Variants in SLC38A11 observed in about 807,000 individuals in gnomAD.
The protein encoded by SLC38A11 is solute carrier family 38 member 11, also known as putative sodium-coupled neutral amino acid transporter 11.
In SLC38A11, 51 loss-of-function variants were observed where a neutral mutation model predicts 49.4. The observed-to-expected ratio is 1.03, with a 90% CI of 0.83 to 1.30. The LOEUF (loss-of-function observed/expected upper bound fraction) is 1.30. SLC38A11 is among the 50% of genes most tolerant of loss of function. The pLI is 0.00. For missense variants in SLC38A11, 574 were observed against 556.2 expected, an observed-to-expected ratio of 1.03 and a Z score of -0.32; for synonymous variants, 203 against 192.9, an observed-to-expected ratio of 1.05 and a Z score of -0.43.
intron 7 of SLC38A11, among the ~76,000 whole-genome samples, chr2:164,927,396 A>C (rs2105480767): frequency 6.6e-6 from 1 of 152,316 alleles, no homozygotes; most frequent in African/African-American, 2.4e-5. Context: ...CAGTTTTTCA[A>C]AAGAGATAAT....
intron 11 of SLC38A11, among the ~76,000 whole-genome samples, chr2:164,908,375 C>A (rs2105452105): frequency 6.6e-6 from 1 of 152,122 alleles, no homozygotes; most frequent in Non-Finnish European, 1.5e-5. Context: ...GATGTATATC[C>A]CTGGCCTCTA....
At chr2:164,948,710 G>A (rs1688303859) in intron 3 of SLC38A11, among the ~76,000 whole-genome samples, 1 of 152,104 alleles carries the variant, frequency 6.6e-6, no homozygotes, top group Admixed American at 6.6e-5. Flanking sequence ...TCTAGCTCAG[G>A]AAGTGGTAAT....
In SLC38A11 at chr2:164,898,688, C is replaced by A; in HGVS notation, c.1138G>T (p.Ala380Ser). ...ATPLIFIIPSACYLKLSEEPR... is the reference protein window; with the variant it reads ...ATPLIFIIPSSCYLKLSEEPR... ...TCTTCAGACAGTTTCAGATAACAGG[C>A]TGATGGAATGATAAAAATGAGGGGA... Residue 380 changes from alanine (A) to serine (S), a missense_variant, in exon 12 of 12, where the codon GCC becomes TCC. Ala to Ser is a moderately conservative substitution (Grantham distance 99, BLOSUM62 1). Coordinates refer to ENST00000685975, the MANE Select transcript of SLC38A11 (RefSeq NM_001351537.2). 1 of 1,613,326 alleles carries A rather than the reference C, an allele frequency of 6.2e-7. No homozygotes were observed. The highest frequency in any genetic ancestry group is 8.5e-7 in the Non-Finnish European group (1 of 1,179,598).
At chr2:164,940,520 A>G (rs1466313245) in intron 5 of SLC38A11, among the ~76,000 whole-genome samples, 2 of 150,994 alleles carry the variant, frequency 1.3e-5, no homozygotes, top group African/African-American at 4.8e-5. Flanking sequence ...TGCACAGTCT[A>G]AAGTCTATAA....
At chr2:164,929,749 A>G (rs931344098) in intron 7 of SLC38A11, among the ~76,000 whole-genome samples, 2 of 152,106 alleles carry the variant, frequency 1.3e-5, no homozygotes, top group African/African-American at 4.8e-5. Context: ...GCTTCTTTAC[A>G]TTTGCAACAT....
At position 164,896,353 on chromosome 2, in the gene SLC38A11, T is replaced by A. The variant is rs1441034235; in HGVS notation, c.*2084A>T. ...TCAGTTCCTACCAGGAGCTTTCATC[T>A]ACTTGAAGAGTATGAAGCAACACCA... is the stretch of plus-strand genomic sequence containing the variant. On this transcript the variant is annotated 3_prime_UTR_variant, in exon 12 of 12. Coordinates refer to ENST00000685975, the MANE Select transcript of SLC38A11 (RefSeq NM_001351537.2). 1 of 152,182 alleles carries A rather than the reference T, an allele frequency of 6.6e-6. No homozygotes were observed. The highest frequency in any genetic ancestry group is 1.5e-5 in the Non-Finnish European group (1 of 68,020). The allele number at this position is 152,182 out of a possible 1,614,324, so 9.4% of individuals were successfully genotyped here.
chr2:164,898,760 T>C, intron 11 of SLC38A11, 30 bp from the exon 12 acceptor site: 1 of 1,577,770 alleles, frequency 6.3e-7, no homozygotes, highest in Non-Finnish European at 8.6e-7. Flanking sequence ...AACAAGATAA[T>C]GTCACTAGAT....
chr2:164,922,581 C>G (rs774011108), intron 7 of SLC38A11, among the ~76,000 whole-genome samples: 1 of 152,152 alleles, frequency 6.6e-6, no homozygotes, highest in Admixed American at 6.5e-5. Context: ...CATTTAAAAA[C>G]GCACACCCAC....
chr2:164,919,917 G>A (rs762700818), intron 7 of SLC38A11, among the ~76,000 whole-genome samples: 1 of 152,136 alleles, frequency 6.6e-6, no homozygotes, highest in Non-Finnish European at 1.5e-5. Flanking sequence ...TAGGGTGTAT[G>A]TTCCAAGATA....
chr2:164,928,038 A>T (rs941626069), intron 7 of SLC38A11, among the ~76,000 whole-genome samples: 3 of 152,158 alleles, frequency 2.0e-5, no homozygotes, highest in African/African-American at 7.2e-5. Context: ...TAAGTACTTA[A>T]TATTGAGGAG....
intron 9 of SLC38A11, 109 bp from the exon 10 acceptor site, chr2:164,911,857 C>T: frequency 1.8e-6 from 1 of 553,600 alleles, no homozygotes; most frequent in Non-Finnish European, 3.2e-6. Context: ...TAATGGCCCA[C>T]ATATATGATT....
rs768829459 is a variant in SLC38A11 at position 164,898,632 on chromosome 2, A to G, written c.1194T>C (p.Ser398=). The G allele has an allele frequency of 2.0e-5, 32 of 1,613,502 alleles. No homozygotes were observed. The highest frequency in any genetic ancestry group is 1.6e-4 in the Middle Eastern group (1 of 6,082). ...CAGCACCAATGGGAAGCATGACACAAGACATAATCTTATCGGAGTGTGTCC... is the reference window on the plus strand; with the variant it reads ...CAGCACCAATGGGAAGCATGACACAGGACATAATCTTATCGGAGTGTGTCC... The part of the protein sequence containing the change: ...EPRTHSDKIM[S]CVMLPIGAVV... The change falls in exon 12 of 12, where the codon TCT becomes TCC. Residue 398 remains serine (S), a synonymous_variant. Coordinates refer to ENST00000685975, the MANE Select transcript of SLC38A11 (RefSeq NM_001351537.2).
chr2:164,922,443 T>C (rs1195168543), intron 7 of SLC38A11, among the ~76,000 whole-genome samples: 1 of 152,148 alleles, frequency 6.6e-6, no homozygotes, highest in Admixed American at 6.5e-5. Flanking sequence ...GAAGGCTCTG[T>C]CACTTCCTCA....
chr2:164,906,931 A>G (rs1685047416), intron 11 of SLC38A11, among the ~76,000 whole-genome samples: 1 of 152,088 alleles, frequency 6.6e-6, no homozygotes, highest in South Asian at 2.1e-4. Context: ...TAATACCTTC[A>G]CCTATGCCTC....
rs1452106170 is a variant in SLC38A11 at position 164,937,421 on chromosome 2, G to A, written c.546C>T (p.Leu182=). Residue 182 remains leucine (L), a synonymous_variant, in exon 7 of 12, where the codon CTC becomes CTT. Transcript: ENST00000685975. ...RNIAKLGKVS[L]ISTGLTTLIL... ...TCAGAGTTGTTAAACCTGTAGAGAT[G>A]AGGGAGACCTGTAAAAGAAAATACA... The A allele has an allele frequency of 2.5e-6, 4 of 1,604,644 alleles. No homozygotes were observed. The highest frequency in any genetic ancestry group is 1.7e-4 in the Middle Eastern group (1 of 6,050).
At chr2:164,901,439 C>G (rs1684645461) in intron 11 of SLC38A11, among the ~76,000 whole-genome samples, 1 of 152,038 alleles carries the variant, frequency 6.6e-6, no homozygotes, top group Non-Finnish European at 1.5e-5. Context: ...CAATTTCCTT[C>G]AGCAAGATTT....
chr2:164,937,569 C>T lies in SLC38A11; in HGVS notation c.538-140G>A, dbSNP rs1470591272. 1.0e-5 allele frequency: 6 copies of T among 584,252 alleles called. No homozygotes were observed. The East Asian group carries it at 1.8e-4, about 18-fold the overall frequency. The allele number at this position is 584,252 out of a possible 1,614,324, so 36.2% of individuals were successfully genotyped here. A position where few individuals can be genotyped will look rare whatever the true frequency, so the allele number is the denominator to read the frequency against. On this transcript the variant is annotated intron_variant, in intron 6 of 11. Transcript: ENST00000685975. ...ATTCTTTAGTAGGTTATTCTTGCAG[C>T]TTGGTGTTGATAATCTCAGGCAGGT...
chr2:164,953,549 A>G (rs1484915135), intron 2 of SLC38A11, among the ~76,000 whole-genome samples: 1 of 152,260 alleles, frequency 6.6e-6, no homozygotes, highest in South Asian at 2.1e-4. Context: ...TCATACCTTC[A>G]TGGTACATGG....
chr2:164,920,920 G>A (rs1179886791), intron 7 of SLC38A11, among the ~76,000 whole-genome samples: 1 of 151,964 alleles, frequency 6.6e-6, no homozygotes, highest in Non-Finnish European at 1.5e-5. Context: ...TTATATGTTT[G>A]AGCATCTGGA....
Sources: allele counts gnomAD v4.1 joint callset (sites outside exome capture counted in the v4.1 genomes callset), GRCh38; gene constraint gnomAD v4.1.1; transcripts MANE v1.5; gene names NCBI Gene and HGNC (gene_info 2026-07-23, HGNC 2026-07-21).